QKI: variants seen among roughly 807,000 people sequenced by gnomAD.
QKI encodes QKI, KH domain containing RNA binding.
QKI carries 10 observed loss-of-function variants against 39.0 expected under a neutral mutation model. The observed-to-expected ratio is 0.26, with a 90% CI of 0.16 to 0.43. The LOEUF is 0.43. Among genes scored for constraint, QKI ranks in the 20% least tolerant of loss-of-function variants. QKI has a pLI of 1.00. For missense variants in QKI, 218 were observed against 428.0 expected (o/e 0.51, Z 4.33); for synonymous variants, 204 against 155.4 (o/e 1.31, Z -2.33).
intron 3 of QKI, among the ~76,000 whole-genome samples, chr6:163,529,498 T>C (rs1428949957): frequency 1.3e-5 from 2 of 151,436 alleles, no homozygotes; most frequent in South Asian, 2.1e-4. Flanking sequence ...AAAAAGACAA[T>C]GCACAGATAA....
Position 163,521,063 on chromosome 6 carries a change from A to G in QKI, c.403-13919A>G, listed in dbSNP as rs111759958. ...CTGCTGAGAAGAATGGGTGTGTGAA[A>G]TACACGTTAATACTTTGGAATTTAA... On this transcript the variant is annotated intron_variant, in intron 3 of 7. Transcript: ENST00000361752. Among the ~76,000 whole-genome samples the G allele has an allele frequency of 8.1e-3, 1,226 of 152,166 alleles. 19 individuals carry two copies. The highest frequency in any genetic ancestry group is 0.028 in the African/African-American group (1,163 of 41,484).
chr6:163,435,148 A>T (rs373344966), intron 1 of QKI, among the ~76,000 whole-genome samples: 1 of 152,212 alleles, frequency 6.6e-6, no homozygotes, highest in Non-Finnish European at 1.5e-5. Context: ...TCCAAAAAAC[A>T]TAAAGCATGA....
chr6:163,532,663 T>C (rs1780935486), intron 3 of QKI, among the ~76,000 whole-genome samples: 1 of 152,186 alleles, frequency 6.6e-6, no homozygotes, highest in Non-Finnish European at 1.5e-5. Flanking sequence ...CTTTCAGTCT[T>C]GTTCTTTTCT....
intron 7 of QKI, chr6:163,567,315 T>C (rs567433691): frequency 1.0e-6 from 1 of 985,806 alleles, no homozygotes; most frequent in African/African-American, 1.7e-5. Flanking sequence ...TGTCAAGTAC[T>C]TAGCTAAAAT....
intron 4 of QKI, among the ~76,000 whole-genome samples, chr6:163,554,882 G>A (rs1208453427): frequency 2.0e-5 from 3 of 152,144 alleles, no homozygotes; most frequent in Admixed American, 1.3e-4. Flanking sequence ...GGCGCCCCCA[G>A]CAGTCCATCC....
In QKI at chr6:163,566,428, A is replaced by G. The variant is rs1344018800; in HGVS notation, c.935-293A>G. The stretch of plus-strand genomic sequence containing the variant: ...ACTTCAGTGAATATGTGACTAGTAA[A>G]GCTTAAATATGTTTGGATCTAATAG... On this transcript the variant is annotated intron_variant, in intron 6 of 7. Transcript: ENST00000361752. 4.8e-6 allele frequency: 6 copies of G among 1,257,690 alleles called. No individual in the cohort carries two copies. The African/African-American group carries it at 9.2e-5, about 19-fold the overall frequency. 77.9% of individuals were successfully genotyped at this position (1,257,690 alleles called of 1,614,324 possible). A position where few individuals can be genotyped will look rare whatever the true frequency, so the allele number is the denominator to read the frequency against.
chr6:163,563,474 C>T lies in QKI; in HGVS notation c.689C>T (p.Thr230Ile), dbSNP rs747047330. The change falls in exon 6 of 8, where the codon ACT becomes ATT. Residue 230 changes from threonine to isoleucine, a missense_variant. Transcript: ENST00000361752. ...ATAQAAPRIITGPAPVLPPAA... is the reference protein window; with the variant it reads ...ATAQAAPRIIIGPAPVLPPAA... ...GCCCAGGCTGCTCCAAGGATCATTA[C>T]TGGGCCTGCGCCGGTTCTCCCACCA... is the stretch of plus-strand genomic sequence containing the variant. The T allele has an allele frequency of 6.2e-7, 1 of 1,614,000 alleles. No homozygotes were observed.
At chr6:163,556,344 C>T (rs1782606180) in intron 4 of QKI, among the ~76,000 whole-genome samples, 1 of 151,990 alleles carries the variant, frequency 6.6e-6, no homozygotes, top group African/African-American at 2.4e-5. Context: ...GAAACCGCAT[C>T]TCTACTAAAT....
At chr6:163,482,643 T>C (rs1218339190) in intron 3 of QKI, among the ~76,000 whole-genome samples, 1 of 149,386 alleles carries the variant, frequency 6.7e-6, no homozygotes, top group East Asian at 1.9e-4. Context: ...TTATTTATTA[T>C]AAAGGATATT....
chr6:163,451,004 A>G (rs6937286), intron 1 of QKI, among the ~76,000 whole-genome samples: 4,797 of 152,268 alleles, frequency 0.032, 246 homozygotes, highest in African/African-American at 0.11. Flanking sequence ...CTATAAAATT[A>G]CGGTTGGATT....
In QKI at chr6:163,431,182, GA is replaced by G. The variant is rs892440437; in HGVS notation, c.142+15857del. 5.4e-3 allele frequency among the ~76,000 whole-genome samples: 797 copies of G among 148,450 alleles called. 11 individuals are homozygous for G. Among genetic ancestry groups the G allele is most frequent in the African/African-American group, 0.018 (748 of 40,574 alleles). On this transcript the variant is annotated intron_variant, in intron 1 of 7. Coordinates refer to ENST00000361752, the MANE Select transcript of QKI (RefSeq NM_006775.3). ...TCAAGTCAAATCAAAGTACCCCTTG[GA>G]AAAAAAAAAGTTATATTATTCCACT...
At chr6:163,419,434 A>C (rs182472681) in intron 1 of QKI, among the ~76,000 whole-genome samples, 22 of 152,248 alleles carry the variant, frequency 1.4e-4, no homozygotes, top group Admixed American at 2.6e-4. Flanking sequence ...AGAAGCAATT[A>C]CTGTTGTCAG....
At chr6:163,553,668 A>ATTG (rs1782405317) in intron 4 of QKI, among the ~76,000 whole-genome samples, 2 of 152,140 alleles carry the variant, frequency 1.3e-5, no homozygotes, top group South Asian at 4.1e-4. Context: ...AAAATCACAG[A>ATTG]TTGTATCGTA....
At chr6:163,466,731 A>G (rs1791787327) in intron 2 of QKI, among the ~76,000 whole-genome samples, 2 of 152,190 alleles carry the variant, frequency 1.3e-5, no homozygotes, top group African/African-American at 4.8e-5. Context: ...GTCAAAATGG[A>G]TTAAAGACCT....
chr6:163,415,142 T>C lies in QKI; in HGVS notation c.-52T>C. Reference sequence around the variant, plus strand: ...GGCTCGCCCCCGCCCCTCCCTCCTCTCCGGCGGCGGCGGCGGCGGCGGCGG... The same window carrying C: ...GGCTCGCCCCCGCCCCTCCCTCCTCCCCGGCGGCGGCGGCGGCGGCGGCGG... On this transcript the variant is annotated 5_prime_UTR_variant, in exon 1 of 8. Transcript: ENST00000361752. The C allele has an allele frequency of 2.2e-6, 3 of 1,347,372 alleles. No individual in the cohort carries two copies. The highest frequency in any genetic ancestry group is 2.3e-5 in the Admixed American group (1 of 43,418). 83.5% of individuals were successfully genotyped at this position (1,347,372 alleles called of 1,614,324 possible). A position where few individuals can be genotyped will look rare whatever the true frequency, so the allele number is the denominator to read the frequency against.
intron 2 of QKI, among the ~76,000 whole-genome samples, chr6:163,473,324 C>T (rs1407379050): frequency 6.6e-6 from 1 of 152,114 alleles, no homozygotes; most frequent in Non-Finnish European, 1.5e-5. Flanking sequence ...ATATCATTCT[C>T]ACCACTACGT....
At chr6:163,437,475 CTTG>C (rs997858989) in intron 1 of QKI, among the ~76,000 whole-genome samples, 1 of 152,060 alleles carries the variant, frequency 6.6e-6, no homozygotes, top group African/African-American at 2.4e-5. Context: ...AAGAGTTTTT[CTTG>C]TTATGTGCTT....
rs554109774 is a variant in QKI at position 163,455,529 on chromosome 6, G to T, written c.285+108G>T. 1.6e-5 allele frequency: 18 copies of T among 1,131,034 alleles called. No homozygotes were observed. The East Asian group carries it at 4.2e-4, about 26-fold the overall frequency. 70.1% of individuals were successfully genotyped at this position (1,131,034 alleles called of 1,614,324 possible). On this transcript the variant is annotated intron_variant, in intron 2 of 7. Transcript: ENST00000361752. ...GCATTATTAGCCACTTTAAAAAAAT[G>T]CAGTCATCAACTGAAGTGTGAATAA...
chr6:163,422,239 A>T (rs534774522), intron 1 of QKI, among the ~76,000 whole-genome samples: 69 of 152,308 alleles, frequency 4.5e-4, no homozygotes, highest in African/African-American at 1.6e-3. Flanking sequence ...TAGTTTGAAA[A>T]TCCGGCAATC....
Sources: allele counts gnomAD v4.1 joint callset (sites outside exome capture counted in the v4.1 genomes callset), GRCh38; gene constraint gnomAD v4.1.1; transcripts MANE v1.5; gene names NCBI Gene and HGNC (gene_info 2026-07-23, HGNC 2026-07-21).